The following PRSS55 variants were observed in gnomAD, a reference collection of about 807,000 sequenced individuals.
PRSS55 encodes probable serine protease UNQ9391/PRO34284.
PRSS55 carries 41 observed loss-of-function variants against 23.6 expected under a neutral mutation model. The ratio of observed to expected loss-of-function variants is 1.74; its 90% CI spans 1.35 to 2.26. PRSS55 has a LOEUF of 2.26. Ranked by LOEUF, PRSS55 falls within the 30% of genes most tolerant of loss-of-function variation. The pLI, the probability that PRSS55 is intolerant of heterozygous loss-of-function variation, is 0.00. For synonymous variants in PRSS55, 262 were observed against 175.5 expected, an observed-to-expected ratio of 1.49 and a Z score of -3.90; for missense variants, 669 against 439.1, an observed-to-expected ratio of 1.52 and a Z score of -4.68.
downstream of PRSS55, chr8:10,538,936 G>C: frequency 2.6e-6 from 2 of 765,122 alleles, no homozygotes; most frequent in African/African-American, 1.7e-5. Context: ...TGGGTCCCTG[G>C]TTTGGGGACT....
intron 1 of PRSS55, among the ~76,000 whole-genome samples, chr8:10,528,349 C>T (rs934863170): frequency 2.0e-5 from 3 of 152,210 alleles, no homozygotes; most frequent in Non-Finnish European, 4.4e-5. Flanking sequence ...AAAACACTCA[C>T]AGCTTCTGTT....
chr8:10,552,652 T>G (rs1258975008), intron 4 of PRSS55, among the ~76,000 whole-genome samples: 1 of 152,154 alleles, frequency 6.6e-6, no homozygotes, highest in African/African-American at 2.4e-5. Context: ...GACACATAAG[T>G]GGCTAAATGA....
At chr8:10,549,282 C>G (rs74982964) in intron 4 of PRSS55, among the ~76,000 whole-genome samples, 6,275 of 152,234 alleles carry the variant, frequency 0.041, 197 homozygotes, top group Non-Finnish European at 0.066. Context: ...GAGGCTTGAG[C>G]AAGAGTGATG....
At chr8:10,526,358 T>C (rs189237649) in intron 1 of PRSS55, among the ~76,000 whole-genome samples, 86 of 152,338 alleles carry the variant, frequency 5.6e-4, no homozygotes, top group African/African-American at 1.9e-3. Flanking sequence ...GGGGAAATGA[T>C]AGAGCTGTCT....
chr8:10,538,577 C>A lies in PRSS55; in HGVS notation c.843C>A (p.Thr281=). The change falls in exon 5 of 5, where the codon ACC becomes ACA. Residue 281 remains threonine (T), a synonymous_variant. Transcript: ENST00000328655. ...SWGKSCGEKN[T]PGIYTSLVNY... ...GAAAGAGCTGTGGAGAGAAGAACAC[C>A]CCAGGGATATACACCTCGTTGGTGA... is the stretch of plus-strand genomic sequence containing the variant. 1 of 1,614,024 alleles carries A rather than the reference C, an allele frequency of 6.2e-7. No individual in the cohort carries two copies. The highest frequency in any genetic ancestry group is 8.5e-7 in the Non-Finnish European group (1 of 1,179,956).
At chr8:10,532,738 G>A (rs989130682) in intron 3 of PRSS55, among the ~76,000 whole-genome samples, 168 bp from the exon 4 acceptor site, 2 of 152,084 alleles carry the variant, frequency 1.3e-5, no homozygotes, top group African/African-American at 4.8e-5. Flanking sequence ...TGGGGGAGTG[G>A]GTAAGTTGCA....
intron 1 of PRSS55, among the ~76,000 whole-genome samples, chr8:10,526,732 G>T (rs776682170): frequency 6.6e-6 from 1 of 152,336 alleles, no homozygotes; most frequent in South Asian, 2.1e-4. Context: ...ACTTCTGCCA[G>T]TTCATTCTGG....
At chr8:10,547,851 G>T (rs1812856409) in intron 4 of PRSS55, among the ~76,000 whole-genome samples, 1 of 151,742 alleles carries the variant, frequency 6.6e-6, no homozygotes, top group African/African-American at 2.4e-5. Flanking sequence ...ACGGGGAAGA[G>T]CAGGGAACAA....
intron 4 of PRSS55, among the ~76,000 whole-genome samples, chr8:10,551,395 G>A (rs139142840): frequency 6.6e-6 from 1 of 152,156 alleles, no homozygotes; most frequent in Non-Finnish European, 1.5e-5. Context: ...TTTGTGCTGG[G>A]AAACACAAAG....
intron 4 of PRSS55, among the ~76,000 whole-genome samples, chr8:10,534,529 G>A (rs958439591): frequency 5.3e-5 from 8 of 151,134 alleles, no homozygotes; most frequent in African/African-American, 1.5e-4. Flanking sequence ...GGGAGGGCAT[G>A]GACTTTGGCA....
At chr8:10,546,421 G>C (rs531211958) in intron 4 of PRSS55, among the ~76,000 whole-genome samples, 1 of 152,198 alleles carries the variant, frequency 6.6e-6, no homozygotes, top group East Asian at 1.9e-4. Flanking sequence ...CCCTGCAACA[G>C]GATCAAGTCC....
chr8:10,553,953 T>A, exon 5 of PRSS55: 1 of 1,523,324 alleles, frequency 6.6e-7, no homozygotes. Context: ...CAAAGCTATT[T>A]TCCCACTTTA....
downstream of PRSS55, among the ~76,000 whole-genome samples, chr8:10,543,346 G>C: frequency 6.6e-6 from 1 of 152,102 alleles, no homozygotes. Flanking sequence ...TCACATCCTG[G>C]TGACATTTTT....
chr8:10,534,494 G>C (rs996729877), intron 4 of PRSS55, among the ~76,000 whole-genome samples: 2 of 152,164 alleles, frequency 1.3e-5, no homozygotes, highest in African/African-American at 2.4e-5. Context: ...AGCTCCTTTG[G>C]TAAGAGAGTA....
chr8:10,536,650 G>T (rs1343042416), intron 4 of PRSS55, among the ~76,000 whole-genome samples: 1 of 151,978 alleles, frequency 6.6e-6, no homozygotes, highest in Non-Finnish European at 1.5e-5. Flanking sequence ...TAAAGAAATT[G>T]TGATACACGT....
chr8:10,526,184 G>T (rs1338973500), intron 1 of PRSS55, among the ~76,000 whole-genome samples: 1 of 152,190 alleles, frequency 6.6e-6, no homozygotes, highest in Admixed American at 6.5e-5. Context: ...CTCCAAGGGG[G>T]TGGTCAAGAC....
intron 4 of PRSS55, among the ~76,000 whole-genome samples, chr8:10,535,894 A>G (rs149809962): frequency 1.7e-3 from 252 of 152,352 alleles, no homozygotes; most frequent in African/African-American, 5.5e-3. Context: ...TCATTAAAAA[A>G]TGGGCAGAGG....
intron 4 of PRSS55, among the ~76,000 whole-genome samples, chr8:10,537,340 G>C (rs1393755689): frequency 6.6e-6 from 1 of 152,160 alleles, no homozygotes; most frequent in East Asian, 1.9e-4. Flanking sequence ...TATAGAACTG[G>C]AGGACATTAC....
chr8:10,528,454 G>T (rs1341337546), intron 1 of PRSS55, among the ~76,000 whole-genome samples: 2 of 152,208 alleles, frequency 1.3e-5, no homozygotes, highest in Non-Finnish European at 2.9e-5. Flanking sequence ...AGAACACAAG[G>T]CAGACAGTCA....
Sources: gnomAD v4.1 joint callset for allele counts (sites outside exome capture counted in the v4.1 genomes callset) on GRCh38, gnomAD v4.1.1 for gene constraint, MANE v1.5 for transcripts, NCBI Gene and HGNC (gene_info 2026-07-23, HGNC 2026-07-21) for gene names.